SGCD: variants seen among roughly 807,000 people sequenced by gnomAD.
The protein encoded by SGCD is sarcoglycan delta.
In SGCD, 18 loss-of-function variants were observed where a neutral mutation model predicts 36.6. The observed-to-expected ratio is 0.49, with a 90% confidence interval of 0.34 to 0.73. SGCD has a LOEUF of 0.73. Among genes scored for constraint, SGCD ranks in the 30% least tolerant of loss-of-function variants. The probability of loss-of-function intolerance (pLI) is 0.01; values close to 1 mark genes in which losing one functional copy is unlikely to be tolerated. For missense variants in SGCD, 387 were observed against 346.7 expected (o/e 1.12, Z -0.92); for synonymous variants, 133 against 130.6 (o/e 1.02, Z -0.12).
intron 4 of SGCD, among the ~76,000 whole-genome samples, chr5:156,519,549 A>C (rs1177313955): frequency 7.1e-6 from 1 of 141,232 alleles, no homozygotes; most frequent in Non-Finnish European, 1.6e-5. Flanking sequence ...ACAAAAACCT[A>C]GGAGAGATAC....
chr5:156,008,467 C>T (rs915555950), intron 1 of SGCD, among the ~76,000 whole-genome samples: 4 of 152,156 alleles, frequency 2.6e-5, no homozygotes, highest in African/African-American at 9.7e-5. Context: ...CCTCAAACTC[C>T]TGAGCCCAAG....
chr5:155,813,423 A>G, the SGCD span, among the ~76,000 whole-genome samples: 1 of 152,334 alleles, frequency 6.6e-6, no homozygotes, highest in Non-Finnish European at 1.5e-5. Context: ...CCTGAATTCA[A>G]CCAAGAGCAA....
At position 156,543,329 on chromosome 5, in the gene SGCD, T is replaced by C. The variant is rs147886643; in HGVS notation, c.294+34627T>C. Among the ~76,000 whole-genome samples the C allele has an allele frequency of 4.4e-3, 667 of 152,196 alleles. 5 individuals are homozygous for C. The highest frequency in any genetic ancestry group is 0.015 in the African/African-American group (637 of 41,514). ...ACCACTGATCTAGATAAAGAAAGGG[T>C]TCAAGGAATCTGTTTGTTCATCTAA... On this transcript the variant is annotated intron_variant, in intron 4 of 8. Coordinates refer to ENST00000337851, the MANE Select transcript of SGCD (RefSeq NM_000337.6).
At chr5:156,464,162 TTGCCCCCAAA>T (rs1004489816) in intron 3 of SGCD, among the ~76,000 whole-genome samples, 1 of 151,948 alleles carries the variant, frequency 6.6e-6, no homozygotes, top group African/African-American at 2.4e-5. Context: ...ATTATGTAGC[TTGCCCCCAAA>T]TCACACCACT....
At chr5:156,559,871 A>G (rs996009306) in intron 4 of SGCD, among the ~76,000 whole-genome samples, 1 of 152,184 alleles carries the variant, frequency 6.6e-6, no homozygotes, top group Non-Finnish European at 1.5e-5. Context: ...GGTACTGAGA[A>G]CACTGCATTT....
At chr5:155,850,232 G>T in the SGCD span, among the ~76,000 whole-genome samples, 1 of 152,074 alleles carries the variant, frequency 6.6e-6, no homozygotes. Flanking sequence ...CATGTCTGAC[G>T]GCTCTAATAA....
chr5:156,734,575 T>C (rs148866493), intron 7 of SGCD, among the ~76,000 whole-genome samples: 1 of 152,214 alleles, frequency 6.6e-6, no homozygotes, highest in African/African-American at 2.4e-5. Flanking sequence ...GTTTTCATCA[T>C]TCCATTTCAT....
At position 156,440,270 on chromosome 5, in the gene SGCD, A is replaced by G. The variant is rs143640709; in HGVS notation, c.193-68331A>G. 6.8e-3 allele frequency among the ~76,000 whole-genome samples: 1,028 copies of G among 152,262 alleles called. 7 individuals are homozygous for G. The highest frequency in any genetic ancestry group is 0.011 in the Admixed American group (165 of 15,282). Reference sequence around the variant, plus strand: ...TTTTGGTGTCTGGTTTCTTTAACATAGCCTAATGTTTCATCCATCAGTACT... The same window carrying G: ...TTTTGGTGTCTGGTTTCTTTAACATGGCCTAATGTTTCATCCATCAGTACT... On this transcript the variant is annotated intron_variant, in intron 3 of 8. Transcript: ENST00000337851.
At chr5:155,899,782 C>T (rs918246421) in intron 1 of SGCD, among the ~76,000 whole-genome samples, 5 of 151,964 alleles carry the variant, frequency 3.3e-5, no homozygotes, top group South Asian at 2.1e-4. Context: ...TTAAATGGTA[C>T]GCAGAAGACT....
intron 4 of SGCD, among the ~76,000 whole-genome samples, chr5:156,518,279 A>G (rs1296210582): frequency 6.6e-6 from 1 of 152,234 alleles, no homozygotes; most frequent in East Asian, 1.9e-4. Flanking sequence ...ATTCAACAAG[A>G]AAAGCTAACT....
At chr5:156,451,763 G>A (rs568378059) in intron 3 of SGCD, among the ~76,000 whole-genome samples, 1 of 152,218 alleles carries the variant, frequency 6.6e-6, no homozygotes, top group Non-Finnish European at 1.5e-5. Flanking sequence ...ATATGGTACA[G>A]GCAATTACTT....
chr5:156,130,997 G>A (rs946907332), intron 3 of SGCD, among the ~76,000 whole-genome samples: 12 of 152,172 alleles, frequency 7.9e-5, no homozygotes, highest in Admixed American at 2.0e-4. Context: ...CCAAAGTGCC[G>A]TGATTACAGG....
intron 1 of SGCD, among the ~76,000 whole-genome samples, chr5:156,073,896 A>G (rs1256980051): frequency 6.6e-6 from 1 of 152,218 alleles, no homozygotes; most frequent in African/African-American, 2.4e-5. Flanking sequence ...GACAGGTCTG[A>G]AACCTGAGAG....
rs545406747 is a variant in SGCD at position 156,009,545 on chromosome 5, A to G, written c.-281-108333A>G. 1.1e-3 allele frequency among the ~76,000 whole-genome samples: 167 copies of G among 152,284 alleles called. 1 individual carries two copies. Among genetic ancestry groups the G allele is most frequent in the African/African-American group, 4.0e-3 (165 of 41,554 alleles). Reference sequence around the variant, plus strand: ...CATGCTCCCAAGGCTCGGTCCACATATTCCCTGCTGCCAGATGTCCTGGAT... The same window carrying G: ...CATGCTCCCAAGGCTCGGTCCACATGTTCCCTGCTGCCAGATGTCCTGGAT... On this transcript the variant is annotated intron_variant, in intron 1 of 9. Coordinates refer to the SGCD transcript ENST00000517913.
chr5:155,855,312 A>C, the SGCD span, among the ~76,000 whole-genome samples: 1 of 152,156 alleles, frequency 6.6e-6, no homozygotes, highest in Admixed American at 6.5e-5. Context: ...ACTGGATTGC[A>C]AGATTCTACA....
At position 156,635,977 on chromosome 5, in the gene SGCD, T is replaced by A. The variant is rs368431410; in HGVS notation, c.503-11487T>A. On this transcript the variant is annotated intron_variant, in intron 6 of 8. Transcript: ENST00000337851. ...GTGCAGCACACCAACATGGCACATG[T>A]ATACATATGTAACAAACCTGCCGGT... is the stretch of plus-strand genomic sequence containing the variant. Among the ~76,000 whole-genome samples, 47 of 152,116 alleles carry A rather than the reference T, an allele frequency of 3.1e-4. 1 individual carries two copies. The highest frequency in any genetic ancestry group is 1.1e-3 in the African/African-American group (46 of 41,484).
At chr5:156,500,889 C>CAGGA (rs1008078959) in intron 3 of SGCD, among the ~76,000 whole-genome samples, 2 of 152,182 alleles carry the variant, frequency 1.3e-5, no homozygotes, top group African/African-American at 4.8e-5. Context: ...CAAGAACCAA[C>CAGGA]AGGAAGTCCA....
chr5:156,537,586 T>C (rs565375855), intron 4 of SGCD, among the ~76,000 whole-genome samples: 1 of 152,164 alleles, frequency 6.6e-6, no homozygotes, highest in South Asian at 2.1e-4. Flanking sequence ...GGGTGTTCTT[T>C]GATACTTCCT....
At chr5:156,671,465 G>A (rs984921681) in intron 7 of SGCD, among the ~76,000 whole-genome samples, 2 of 151,876 alleles carry the variant, frequency 1.3e-5, no homozygotes, top group African/African-American at 4.8e-5. Context: ...GGAGAGAAGG[G>A]GTTTCACCAT....
Sources: allele counts gnomAD v4.1 joint callset (sites outside exome capture counted in the v4.1 genomes callset), GRCh38; gene constraint gnomAD v4.1.1; transcripts MANE v1.5; gene names NCBI Gene and HGNC (gene_info 2026-07-23, HGNC 2026-07-21).